Variants in SLC4A4 observed in about 807,000 individuals in gnomAD.
SLC4A4 encodes the protein solute carrier family 4 member 4.
A neutral mutation model predicts 111.5 loss-of-function variants in SLC4A4; 27 were observed. That is an observed-to-expected ratio of 0.24 (90% CI 0.18 to 0.33). The LOEUF (loss-of-function observed/expected upper bound fraction) is 0.33, where lower values mean the gene tolerates loss of function less well. SLC4A4 is among the 10% of genes least tolerant of loss of function. The pLI, the probability that SLC4A4 is intolerant of heterozygous loss-of-function variation, is 1.00. For missense variants in SLC4A4, 909 were observed against 1,315.5 expected (o/e 0.69, Z 4.78); for synonymous variants, 443 against 463.4 (o/e 0.96, Z 0.57).
chr4:71,450,627 C>T (rs1295625345), intron 10 of SLC4A4, 84 bp downstream of exon 10: 6 of 1,270,758 alleles, frequency 4.7e-6, no homozygotes, highest in African/African-American at 4.5e-5. Context: ...GTGAAGTCAA[C>T]CTGTTGTTCT....
chr4:71,099,617 C>A (rs1742657394), intron 2 of SLC4A4, among the ~76,000 whole-genome samples: 3 of 151,872 alleles, frequency 2.0e-5, no homozygotes, highest in Admixed American at 2.0e-4. Flanking sequence ...GAAATTGAGA[C>A]ACAAAAAACC....
chr4:71,379,302 G>A (rs756497021), intron 6 of SLC4A4, among the ~76,000 whole-genome samples: 2 of 152,010 alleles, frequency 1.3e-5, no homozygotes, highest in African/African-American at 4.8e-5. Context: ...TCTGCCTAAC[G>A]CCCTAATCAT....
At chr4:71,413,804 A>G (rs1721604962) in intron 7 of SLC4A4, among the ~76,000 whole-genome samples, 1 of 152,118 alleles carries the variant, frequency 6.6e-6, no homozygotes, top group South Asian at 2.1e-4. Context: ...TCTGTGATTC[A>G]GATCAGCTGG....
intron 1 of SLC4A4, among the ~76,000 whole-genome samples, chr4:71,231,491 G>A (rs936791435): frequency 5.9e-5 from 9 of 152,212 alleles, no homozygotes. Flanking sequence ...AAATCATTGT[G>A]GTGTCCCAGA....
intron 13 of SLC4A4, among the ~76,000 whole-genome samples, chr4:71,466,931 A>AAGAGAGAGAGAGAGAGAGAGAGAGAG (rs61128918): frequency 5.3e-5 from 5 of 94,732 alleles, no homozygotes; most frequent in Admixed American, 1.1e-4. Flanking sequence ...ACAAGACGGG[A>AAGAGAGAGAGAGAGAGAGAGAGAGAG]AGAGAGAGAG....
intron 2 of SLC4A4, among the ~76,000 whole-genome samples, chr4:71,143,527 G>A (rs1452614210): frequency 1.3e-5 from 2 of 152,120 alleles, no homozygotes; most frequent in African/African-American, 2.4e-5. Context: ...TCACCACACC[G>A]ACTTCCACAA....
chr4:71,133,501 T>C (rs1743764206), intron 2 of SLC4A4, among the ~76,000 whole-genome samples: 1 of 152,200 alleles, frequency 6.6e-6, no homozygotes, highest in South Asian at 2.1e-4. Context: ...CCCAGGTTCT[T>C]CTCTGTGTGG....
At chr4:71,240,204 C>T (rs1197057077) in intron 2 of SLC4A4, among the ~76,000 whole-genome samples, 1 of 152,130 alleles carries the variant, frequency 6.6e-6, no homozygotes, top group Non-Finnish European at 1.5e-5. Flanking sequence ...CTAAAAAAGC[C>T]AGCCAGAATT....
intron 19 of SLC4A4, among the ~76,000 whole-genome samples, chr4:71,547,443 C>T (rs1735632108): frequency 6.6e-6 from 1 of 151,970 alleles, no homozygotes; most frequent in South Asian, 2.1e-4. Flanking sequence ...ATTCAAATCA[C>T]ATATTGCAGT....
chr4:71,192,246 A>G (rs140760610), intron 1 of SLC4A4, among the ~76,000 whole-genome samples: 17 of 152,318 alleles, frequency 1.1e-4, no homozygotes, highest in Admixed American at 3.3e-4. Flanking sequence ...GATAAGATCT[A>G]GTAACAACTT....
chr4:71,076,959 T>C (rs960697180), intron 1 of SLC4A4, among the ~76,000 whole-genome samples: 1 of 151,698 alleles, frequency 6.6e-6, no homozygotes, highest in Non-Finnish European at 1.5e-5. Flanking sequence ...CACTGCACTC[T>C]AGCATGGGCA....
At chr4:71,306,698 G>A (rs1725716368) in intron 3 of SLC4A4, among the ~76,000 whole-genome samples, 1 of 152,172 alleles carries the variant, frequency 6.6e-6, no homozygotes, top group Non-Finnish European at 1.5e-5. Flanking sequence ...ATGAAAGTTA[G>A]CAATTTTTAT....
In SLC4A4 at chr4:71,236,967, T is replaced by G. The variant is rs533618282; in HGVS notation, c.73+318T>G. ...ATACTAACCACCTTCCAATGACTAA[T>G]TCAAGAAAGCTGCTCGATTTATATA... On this transcript the variant is annotated intron_variant, in intron 2 of 25. Coordinates refer to ENST00000264485, the MANE Select transcript of SLC4A4 (RefSeq NM_001098484.3). Among the ~76,000 whole-genome samples the G allele has an allele frequency of 2.0e-5, 3 of 152,368 alleles. No individual in the cohort carries two copies. The South Asian group carries it at 6.2e-4, about 32-fold the overall frequency.
chr4:71,255,290 G>C lies in SLC4A4; in HGVS notation c.144G>C (p.Lys48Asn), dbSNP rs1721363487. ...GGAGAAGGAGACGTCACAAGAGAAA[G>C]ACAGGGCACAAAGAAAAGAAGGAAA... ...SYRRRRRHKR[K>N]TGHKEKKEKE... Residue 48 changes from lysine to asparagine, a missense_variant, in exon 3 of 26, where the codon AAG (lysine) becomes AAC (asparagine). This residue lies in a region of SLC4A4 where 117 missense variants were observed against 154.2 expected (regional missense o/e 0.76). Coordinates refer to ENST00000264485, the MANE Select transcript of SLC4A4 (RefSeq NM_001098484.3). The C allele has an allele frequency of 6.2e-7, 1 of 1,613,516 alleles. No homozygotes were observed. Among genetic ancestry groups the C allele is most frequent in the Non-Finnish European group, 8.5e-7 (1 of 1,179,578 alleles).
At chr4:71,412,095 T>C (rs193223090) in intron 7 of SLC4A4, among the ~76,000 whole-genome samples, 3 of 152,302 alleles carry the variant, frequency 2.0e-5, no homozygotes, top group African/African-American at 7.2e-5. Context: ...TTAAGTAATA[T>C]AATTAAGATG....
chr4:71,327,199 C>T (rs899889196), intron 3 of SLC4A4, among the ~76,000 whole-genome samples: 2 of 151,962 alleles, frequency 1.3e-5, no homozygotes, highest in African/African-American at 2.4e-5. Context: ...AGGGTACATT[C>T]GCAAAATGCC....
At chr4:71,386,804 TTAAGG>T (rs1266183701) in intron 6 of SLC4A4, among the ~76,000 whole-genome samples, 1 of 152,226 alleles carries the variant, frequency 6.6e-6, no homozygotes, top group African/African-American at 2.4e-5. Context: ...GCTTTTTTCT[TTAAGG>T]TATGGGTTTT....
chr4:71,506,214 C>T (rs944106747), intron 16 of SLC4A4, among the ~76,000 whole-genome samples: 2 of 152,064 alleles, frequency 1.3e-5, no homozygotes, highest in Non-Finnish European at 2.9e-5. Flanking sequence ...TTTTCTAATT[C>T]TGTGAAGAAT....
chr4:71,068,534 G>C (rs1044827406), intron 1 of SLC4A4, among the ~76,000 whole-genome samples: 5 of 151,290 alleles, frequency 3.3e-5, no homozygotes, highest in African/African-American at 9.7e-5. Context: ...CCATACATTA[G>C]TTTTGTCAGG....
Sources: gnomAD v4.1 joint callset for allele counts (sites outside exome capture counted in the v4.1 genomes callset) on GRCh38, gnomAD v4.1.1 for gene constraint, gnomAD v4.1.1 regional missense constraint, MANE v1.5 for transcripts, NCBI Gene and HGNC (gene_info 2026-07-23, HGNC 2026-07-21) for gene names.